Variants in EPHA4 observed in about 807,000 individuals in gnomAD.
EPHA4 encodes the protein ephrin type-A receptor 4.
A neutral mutation model predicts 108.3 loss-of-function variants in EPHA4; 19 were observed. That is an observed-to-expected ratio of 0.18 (90% confidence interval 0.12 to 0.26). The LOEUF (loss-of-function observed/expected upper bound fraction) is 0.26, where lower values mean the gene tolerates loss of function less well. Ranked by LOEUF, EPHA4 falls within the 10% of genes least tolerant of loss-of-function variation. The probability of loss-of-function intolerance (pLI) is 1.00; values close to 1 mark genes in which losing one functional copy is unlikely to be tolerated. For synonymous variants in EPHA4, 449 were observed against 455.5 expected, an observed-to-expected ratio of 0.99 and a Z score of 0.18; for missense variants, 917 against 1,254.0, an observed-to-expected ratio of 0.73 and a Z score of 4.06.
chr2:221,549,873 C>G (rs1694108976), intron 3 of EPHA4, among the ~76,000 whole-genome samples: 1 of 152,148 alleles, frequency 6.6e-6, no homozygotes, highest in African/African-American at 2.4e-5. Context: ...TGCCTGTAAT[C>G]CCAGCTACTC....
intron 5 of EPHA4, among the ~76,000 whole-genome samples, chr2:221,463,493 T>C (rs544484106): frequency 1.3e-5 from 2 of 152,338 alleles, no homozygotes; most frequent in Admixed American, 1.3e-4. Context: ...TCTCTCTGTG[T>C]GTGTTTTTGA....
Position 221,568,706 on chromosome 2 carries a change from C to T in EPHA4, c.159+12G>A, listed in dbSNP as rs888480212. The stretch of plus-strand genomic sequence containing the variant: ...TTTTACCCTTTGGATCAGAGAGCAA[C>T]TCAGGACTTACCCCTCCTTCCAGAG... On this transcript the variant is annotated intron_variant, in intron 2 of 17. Transcript: ENST00000281821. The T allele has an allele frequency of 5.6e-6, 9 of 1,611,790 alleles. No homozygotes were observed. In the African/African-American group the frequency reaches 6.7e-5, roughly 12 times the overall value.
chr2:221,519,767 G>T (rs1204876064), intron 3 of EPHA4, among the ~76,000 whole-genome samples: 1 of 152,182 alleles, frequency 6.6e-6, no homozygotes, highest in Non-Finnish European at 1.5e-5. Flanking sequence ...GCTACTCAGG[G>T]TTTAGAAACA....
chr2:221,557,336 C>T (rs1559292635), intron 3 of EPHA4, among the ~76,000 whole-genome samples: 1 of 152,168 alleles, frequency 6.6e-6, no homozygotes, highest in East Asian at 1.9e-4. Context: ...GAAATGGTTT[C>T]TTTGTTGGAT....
intron 16 of EPHA4, 50 bp downstream of exon 16, chr2:221,426,414 T>C (rs751685485): frequency 1.3e-6 from 2 of 1,549,120 alleles, no homozygotes; most frequent in Non-Finnish European, 8.7e-7. Flanking sequence ...AAAAAGAAAA[T>C]ACTATTAAAT....
At chr2:221,434,048 T>C (rs1258951287) in intron 14 of EPHA4, 94 bp downstream of exon 14, 6 of 1,334,048 alleles carry the variant, frequency 4.5e-6, no homozygotes, top group Non-Finnish European at 6.1e-6. Flanking sequence ...GTTTAATGTA[T>C]CATTTCAAAC....
chr2:221,499,753 TATA>T (rs565331449), intron 4 of EPHA4, among the ~76,000 whole-genome samples: 518 of 38,392 alleles, frequency 0.013, 1 homozygote, highest in African/African-American at 0.041. Context: ...TATATATATA[TATA>T]TTTTTTTTTT....
intron 4 of EPHA4, among the ~76,000 whole-genome samples, chr2:221,491,620 C>G (rs888963834): frequency 1.3e-5 from 2 of 152,072 alleles, no homozygotes; most frequent in African/African-American, 4.8e-5. Context: ...TCAATTTCAC[C>G]TCACTTCCCT....
chr2:221,492,009 A>T (rs956452100), intron 4 of EPHA4, among the ~76,000 whole-genome samples: 1 of 152,108 alleles, frequency 6.6e-6, no homozygotes, highest in African/African-American at 2.4e-5. Context: ...TCTTAAAAAA[A>T]GAAAAAAAGA....
chr2:221,572,138 A>G lies in EPHA4; in HGVS notation c.91+20T>C. On this transcript the variant is annotated intron_variant, in intron 1 of 17. Coordinates refer to ENST00000281821, the MANE Select transcript of EPHA4 (RefSeq NM_004438.5). ...GGCCCCTCGCTGTCCCCGACCACAG[A>G]AAGGCCGTCCCGCTCTTACCTTCAT... 6.2e-7 allele frequency: 1 copy of G among 1,609,390 alleles called. No individual in the cohort carries two copies. The highest frequency in any genetic ancestry group is 8.5e-7 in the Non-Finnish European group (1 of 1,175,964).
At chr2:221,491,886 CG>C (rs1341471874) in intron 4 of EPHA4, among the ~76,000 whole-genome samples, 5 of 151,898 alleles carry the variant, frequency 3.3e-5, no homozygotes, top group Admixed American at 6.6e-5. Context: ...TGTGGTGGCT[CG>C]TTTCTGTAAT....
chr2:221,496,779 T>G lies in EPHA4; in HGVS notation c.979+4238A>C, dbSNP rs13401127. ...AAAAAATTAGCTAGATGTGGTGGCG[T>G]GTGCCTGTAATCCCAGCTACTTGGG... On this transcript the variant is annotated intron_variant, in intron 4 of 17. Coordinates refer to ENST00000281821, the MANE Select transcript of EPHA4 (RefSeq NM_004438.5). Among the ~76,000 whole-genome samples the G allele has an allele frequency of 3.3e-3, 505 of 152,046 alleles. 5 individuals are homozygous for G. The highest frequency in any genetic ancestry group is 0.012 in the African/African-American group (489 of 41,506).
intron 14 of EPHA4, among the ~76,000 whole-genome samples, chr2:221,430,950 A>G (rs745782588): frequency 6.6e-6 from 1 of 152,214 alleles, no homozygotes; most frequent in African/African-American, 2.4e-5. Context: ...CTCCTTGCCT[A>G]GTAAGTCATA....
intron 9 of EPHA4, 85 bp from the exon 10 acceptor site, chr2:221,443,691 C>G: frequency 9.9e-7 from 1 of 1,007,136 alleles, no homozygotes; most frequent in East Asian, 2.5e-5. Context: ...AATTACCAAA[C>G]ATAGGAAAAG....
At chr2:221,435,519 A>AC in intron 13 of EPHA4, among the ~76,000 whole-genome samples, 2 of 151,882 alleles carry the variant, frequency 1.3e-5, no homozygotes, top group Non-Finnish European at 2.9e-5. Context: ...ACAACAAAAA[A>AC]CCCCCATTGC....
chr2:221,462,577 A>G (rs149348603), intron 5 of EPHA4, among the ~76,000 whole-genome samples: 71 of 152,214 alleles, frequency 4.7e-4, no homozygotes, highest in African/African-American at 1.6e-3. Context: ...TTCTAAACAT[A>G]AAGTACCAGA....
intron 8 of EPHA4, among the ~76,000 whole-genome samples, chr2:221,447,376 T>C (rs1467634576): frequency 2.0e-5 from 3 of 152,136 alleles, no homozygotes; most frequent in Non-Finnish European, 2.9e-5. Context: ...CAAAATCCTA[T>C]ACCCTGAACT....
chr2:221,501,475 C>G (rs1692488704), intron 3 of EPHA4: 2 of 262,698 alleles, frequency 7.6e-6, no homozygotes, highest in Non-Finnish European at 7.2e-6. Flanking sequence ...GCCAGATACC[C>G]TTTATACACA....
In EPHA4 at chr2:221,523,891, T is replaced by C. The variant is rs11896107; in HGVS notation, c.824-22719A>G. On this transcript the variant is annotated intron_variant, in intron 3 of 17. Transcript: ENST00000281821. Reference sequence around the variant, plus strand: ...ATGAGCCACCGTGCCCGGCCCTCAGTAGAATATTTTTTGAGCACCTGGTAT... The same window carrying C: ...ATGAGCCACCGTGCCCGGCCCTCAGCAGAATATTTTTTGAGCACCTGGTAT... Among the ~76,000 whole-genome samples, 202 of 152,282 alleles carry C rather than the reference T, an allele frequency of 1.3e-3. 7 individuals carry two copies. The East Asian group carries it at 0.027, about 21-fold the overall frequency.
Sources: gnomAD v4.1 joint callset for allele counts (sites outside exome capture counted in the v4.1 genomes callset) on GRCh38, gnomAD v4.1.1 for gene constraint, MANE v1.5 for transcripts, NCBI Gene and HGNC (gene_info 2026-07-23, HGNC 2026-07-21) for gene names.